Variants in PCDHGA11 observed in about 807,000 individuals in gnomAD.
The protein encoded by PCDHGA11 is protocadherin gamma subfamily A, 11.
Under a neutral mutation model 60.4 loss-of-function variants are expected in PCDHGA11, and 39 were observed. The ratio of observed to expected loss-of-function variants is 0.65; its 90% CI spans 0.50 to 0.84. The LOEUF is 0.84. Ranked by LOEUF, PCDHGA11 falls within the 40% of genes least tolerant of loss-of-function variation. The pLI is 0.00. For missense variants in PCDHGA11, 1,165 were observed against 1,197.7 expected, an observed-to-expected ratio of 0.97 and a Z score of 0.40; for synonymous variants, 533 against 510.3, an observed-to-expected ratio of 1.04 and a Z score of -0.60.
Position 141,422,458 on chromosome 5 carries a change from C to T in PCDHGA11, c.1231C>T (p.Leu411=), listed in dbSNP as rs375149811. The change falls in exon 1 of 4, where the codon CTG becomes TTG. Residue 411 remains leucine, a synonymous_variant. Transcript: ENST00000398587. ...NYYKLITSRV[L]DRELVQSYNI... ...TTACAAATTGATAACAAGCAGAGTG[C>T]TGGACAGGGAGTTGGTCCAGAGCTA... The T allele has an allele frequency of 1.6e-4, 264 of 1,613,148 alleles. No homozygotes were observed. Among genetic ancestry groups the T allele is most frequent in the Non-Finnish European group, 2.1e-4 (253 of 1,179,674 alleles).
intron 1 of PCDHGA11, among the ~76,000 whole-genome samples, chr5:141,481,223 A>C (rs935737972): frequency 3.3e-5 from 5 of 152,242 alleles, no homozygotes; most frequent in Non-Finnish European, 7.3e-5. Context: ...AAGGTCTCCC[A>C]GCCTTAAAGT....
rs1308866536 is a variant in PCDHGA11 at position 141,464,896 on chromosome 5, GT to G, written c.2434-29910del. On this transcript the variant is annotated intron_variant, in intron 1 of 3. Coordinates refer to ENST00000398587, the MANE Select transcript of PCDHGA11 (RefSeq NM_018914.3). ...TAGGACTACAGATGGATGCCACCAT[GT>G]CCAGCTAATTTTTTTATTTTTTTGT... 2.0e-5 allele frequency among the ~76,000 whole-genome samples: 3 copies of G among 151,672 alleles called. No homozygotes were observed. The East Asian group carries it at 5.8e-4, about 30-fold the overall frequency.
rs779949817 is a variant in PCDHGA11 at position 141,487,266 on chromosome 5, T to G, written c.2434-7541T>G. The G allele has an allele frequency of 6.2e-7, 1 of 1,614,054 alleles. No individual in the cohort carries two copies. The highest frequency in any genetic ancestry group is 8.5e-7 in the Non-Finnish European group (1 of 1,180,044). On this transcript the variant is annotated intron_variant, in intron 1 of 3. Transcript: ENST00000398587. This position sits in a 1 kb window ranked among gnomAD's most constrained non-coding sequence, Gnocchi z 5.0. The stretch of plus-strand genomic sequence containing the variant: ...ACCCTCTACTTGGCTGTGTCCCTAG[T>G]GGCAATTTGCTTTGTCTCCTTTGGC...
rs185280755 is a variant in PCDHGA11 at position 141,476,824 on chromosome 5, C to T, written c.2434-17983C>T. Reference sequence around the variant, plus strand: ...TGCCTATTCACATCAAGGTGCTGGACGCGAATGACAATGCGCCTGTCTTCA... The same window carrying T: ...TGCCTATTCACATCAAGGTGCTGGATGCGAATGACAATGCGCCTGTCTTCA... On this transcript the variant is annotated intron_variant, in intron 1 of 3. Transcript: ENST00000398587. This position sits in a 1 kb window ranked among gnomAD's most constrained non-coding sequence, Gnocchi z 7.6. 24 of 1,613,588 alleles carry T rather than the reference C, an allele frequency of 1.5e-5. No homozygotes were observed. The East Asian group carries it at 4.5e-4, about 30-fold the overall frequency.
At chr5:141,430,713 T>G in intron 1 of PCDHGA11, 1 of 1,481,944 alleles carries the variant, frequency 6.7e-7, no homozygotes, top group Non-Finnish European at 9.0e-7. Context: ...GCTCCTGACT[T>G]CAGTGGTTAA....
Position 141,486,200 on chromosome 5 carries a change from G to A in PCDHGA11, c.2434-8607G>A, listed in dbSNP as rs764874531. The stretch of plus-strand genomic sequence containing the variant: ...CAGCCTTCGAGTGGATCTGCTGGAC[G>A]TAAATGACAATGCCCCTTACATCAC... On this transcript the variant is annotated intron_variant, in intron 1 of 3. Transcript: ENST00000398587. The surrounding 1 kb of genome is among the most constrained non-coding windows in gnomAD (Gnocchi z 5.0). The A allele has an allele frequency of 2.0e-5, 32 of 1,614,096 alleles. No homozygotes were observed. Among genetic ancestry groups the A allele is most frequent in the Non-Finnish European group, 2.3e-5 (27 of 1,180,040 alleles).
intron 1 of PCDHGA11, chr5:141,475,917 C>T (rs1012431912): frequency 1.7e-6 from 1 of 599,962 alleles, no homozygotes. Context: ...AATGAAGACG[C>T]TGGAGATCGG....
In PCDHGA11 at chr5:141,486,890, G is replaced by T; in HGVS notation, c.2434-7917G>T. On this transcript the variant is annotated intron_variant, in intron 1 of 3. Coordinates refer to ENST00000398587, the MANE Select transcript of PCDHGA11 (RefSeq NM_018914.3). The surrounding 1 kb of genome is among the most constrained non-coding windows in gnomAD (Gnocchi z 5.0). ...TGTGCTCCGTCCTCGGGCCCGGCCT[G>T]GTTCCTTATGTCCCCAAGCACTGCC... 6.2e-7 allele frequency: 1 copy of T among 1,614,242 alleles called. No individual in the cohort carries two copies. The highest frequency in any genetic ancestry group is 8.5e-7 in the Non-Finnish European group (1 of 1,180,048).
rs764976894 is a variant in PCDHGA11, at chr5:141,476,238, G to T, written c.2434-18569G>T. On this transcript the variant is annotated intron_variant, in intron 1 of 3. Transcript: ENST00000398587. The surrounding 1 kb of genome is among the most constrained non-coding windows in gnomAD (Gnocchi z 7.6). ...ATTCACTATGAGATCCCGGAGGAAA[G>T]AGAGAAGGGTTTCGCTGTGGGCAAC... is the stretch of plus-strand genomic sequence containing the variant. The T allele has an allele frequency of 3.1e-6, 5 of 1,614,098 alleles. No individual in the cohort carries two copies. The highest frequency in any genetic ancestry group is 4.2e-6 in the Non-Finnish European group (5 of 1,180,012).
chr5:141,491,434 A>T lies in PCDHGA11; in HGVS notation c.2434-3373A>T. 6.2e-7 allele frequency: 1 copy of T among 1,614,032 alleles called. No homozygotes were observed. Among genetic ancestry groups the T allele is most frequent in the Non-Finnish European group, 8.5e-7 (1 of 1,179,988 alleles). On this transcript the variant is annotated intron_variant, in intron 1 of 3. Transcript: ENST00000398587. The surrounding 1 kb of genome is among the most constrained non-coding windows in gnomAD (Gnocchi z 6.9). ...GGACGGGGGTGGAGGGCAGTGCTGC[A>T]GGCGCCAGGACTCACCCTCCCCGGA...
intron 3 of PCDHGA11, 67 bp from the exon 4 acceptor site, chr5:141,510,880 G>A (rs373993657): frequency 1.9e-6 from 3 of 1,611,784 alleles, no homozygotes; most frequent in Admixed American, 3.3e-5. Context: ...AACTGCTGGG[G>A]ATATAAGACA....
At chr5:141,495,392 G>A (rs2099760968) in intron 2 of PCDHGA11, among the ~76,000 whole-genome samples, 2 of 152,186 alleles carry the variant, frequency 1.3e-5, no homozygotes, top group Non-Finnish European at 2.9e-5. Context: ...GGCGGGGCAT[G>A]GAGCAGGCCC....
At chr5:141,425,745 G>A (rs776065455) in intron 1 of PCDHGA11, among the ~76,000 whole-genome samples, 26 of 152,100 alleles carry the variant, frequency 1.7e-4, no homozygotes, top group Non-Finnish European at 2.9e-4. Flanking sequence ...TTCCCACAAG[G>A]TTTTTGTTCT....
At chr5:141,463,108 T>G (rs1212278355) in intron 1 of PCDHGA11, among the ~76,000 whole-genome samples, 1 of 152,202 alleles carries the variant, frequency 6.6e-6, no homozygotes, top group Non-Finnish European at 1.5e-5. Flanking sequence ...CATCAAGAAT[T>G]CAGCTAATAG....
chr5:141,510,251 C>G (rs569804850), intron 3 of PCDHGA11, among the ~76,000 whole-genome samples: 1 of 144,724 alleles, frequency 6.9e-6, no homozygotes, highest in African/African-American at 2.6e-5. Flanking sequence ...CCAGGCTGGG[C>G]GACAGAGCAG....
At position 141,487,339 on chromosome 5, in the gene PCDHGA11, A is replaced by T; in HGVS notation, c.2434-7468A>T. On this transcript the variant is annotated intron_variant, in intron 1 of 3. Coordinates refer to ENST00000398587, the MANE Select transcript of PCDHGA11 (RefSeq NM_018914.3). The surrounding 1 kb of genome is among the most constrained non-coding windows in gnomAD (Gnocchi z 5.0). ...AGTGTCTTCGTGGGGCAGCCTGTGG[A>T]GTCACATGCTTTCCTGCTGGCACCT... The T allele has an allele frequency of 1.9e-6, 3 of 1,614,096 alleles. No individual in the cohort carries two copies. Among genetic ancestry groups the T allele is most frequent in the Non-Finnish European group, 2.5e-6 (3 of 1,180,000 alleles).
At chr5:141,433,257 G>A (rs764036349) in intron 1 of PCDHGA11, 4 of 1,385,412 alleles carry the variant, frequency 2.9e-6, no homozygotes, top group Non-Finnish European at 4.0e-6. Context: ...GCAGCGGTAC[G>A]ATCATAGCTC....
chr5:141,427,875 C>A, intron 1 of PCDHGA11: 1 of 1,560,408 alleles, frequency 6.4e-7, no homozygotes. Flanking sequence ...GCTCACGATG[C>A]AGGCCCACGA....
At chr5:141,452,879 A>C (rs1389712789) in intron 1 of PCDHGA11, among the ~76,000 whole-genome samples, 1 of 152,200 alleles carries the variant, frequency 6.6e-6, no homozygotes, top group Admixed American at 6.5e-5. Context: ...CATTTGTAAT[A>C]ATTTATTCCA....
Sources: gnomAD v4.1 joint callset for allele counts (sites outside exome capture counted in the v4.1 genomes callset) on GRCh38, gnomAD v4.1.1 for gene constraint, Gnocchi (gnomAD v3.1) non-coding constraint, MANE v1.5 for transcripts, NCBI Gene and HGNC (gene_info 2026-07-23, HGNC 2026-07-21) for gene names.